TPX2: variants seen among roughly 807,000 people sequenced by gnomAD.
TPX2 encodes targeting protein for Xklp2.
In TPX2, 21 loss-of-function variants were observed where a neutral mutation model predicts 93.6. The ratio of observed to expected loss-of-function variants is 0.22; its 90% CI spans 0.16 to 0.32. The LOEUF is 0.32. Among genes scored for constraint, TPX2 ranks in the 10% least tolerant of loss-of-function variants. TPX2 has a pLI of 1.00. For synonymous variants in TPX2, 281 were observed against 298.3 expected, an observed-to-expected ratio of 0.94 and a Z score of 0.60; for missense variants, 776 against 871.1, an observed-to-expected ratio of 0.89 and a Z score of 1.37.
chr20:31,751,484 T>G (rs2061819309), intron 2 of TPX2, among the ~76,000 whole-genome samples: 1 of 152,122 alleles, frequency 6.6e-6, no homozygotes, highest in African/African-American at 2.4e-5. Flanking sequence ...ATGGAATCTT[T>G]CACTAAAAAT....
At chr20:31,750,202 G>T (rs528206538) in intron 2 of TPX2, among the ~76,000 whole-genome samples, 2 of 151,330 alleles carry the variant, frequency 1.3e-5, no homozygotes, top group East Asian at 2.0e-4. Context: ...TTGTTGCCCC[G>T]GCTGGAGTGC....
intron 2 of TPX2, among the ~76,000 whole-genome samples, chr20:31,744,159 CTTTTT>C (rs11465034): frequency 8.9e-6 from 1 of 112,270 alleles, no homozygotes; most frequent in Non-Finnish European, 1.8e-5. Context: ...ATTTTTTTAA[CTTTTT>C]TTTTTTTTTT....
intron 8 of TPX2, among the ~76,000 whole-genome samples, chr20:31,777,161 T>A (rs1357897286): frequency 6.6e-6 from 1 of 152,218 alleles, no homozygotes; most frequent in South Asian, 2.1e-4. Context: ...TCAAAGTCAA[T>A]CCATAGCTTT....
chr20:31,749,878 G>C (rs1172907045), intron 2 of TPX2, among the ~76,000 whole-genome samples: 1 of 151,906 alleles, frequency 6.6e-6, no homozygotes, highest in Non-Finnish European at 1.5e-5. Flanking sequence ...CAATGCCCCA[G>C]GAATCATTTT....
rs534228156 is a variant in TPX2, at chr20:31,799,003, A to C, written c.2133+451A>C. 2.0e-5 allele frequency among the ~76,000 whole-genome samples: 3 copies of C among 152,318 alleles called. No homozygotes were observed. The South Asian group carries it at 6.2e-4, about 32-fold the overall frequency. On this transcript the variant is annotated intron_variant, in intron 17 of 17. Coordinates refer to ENST00000300403, the MANE Select transcript of TPX2 (RefSeq NM_012112.5). ...GTAACTTATTATTTCCTCTGGGGTTAAGAAGCACCACTGAGTTTTGTAATT... is the reference window on the plus strand; with the variant it reads ...GTAACTTATTATTTCCTCTGGGGTTCAGAAGCACCACTGAGTTTTGTAATT...
intron 3 of TPX2, among the ~76,000 whole-genome samples, chr20:31,758,941 A>G (rs1409470476): frequency 6.6e-6 from 1 of 152,172 alleles, no homozygotes; most frequent in African/African-American, 2.4e-5. Context: ...TGTTAAATAC[A>G]ATTTGGAAGA....
At chr20:31,747,436 C>T (rs2061790719) in intron 2 of TPX2, among the ~76,000 whole-genome samples, 1 of 151,728 alleles carries the variant, frequency 6.6e-6, no homozygotes, top group East Asian at 1.9e-4. Flanking sequence ...ATATCTCTAT[C>T]TCTGTCTGTC....
At chr20:31,770,106 T>C (rs187577220) in intron 5 of TPX2, among the ~76,000 whole-genome samples, 543 of 152,316 alleles carry the variant, frequency 3.6e-3, no homozygotes, top group Middle Eastern at 0.024. Context: ...AGCCAAGTTT[T>C]TCTTTTTAAT....
Position 31,794,410 on chromosome 20 carries a change from G to A in TPX2, c.1695G>A (p.Lys565=), listed in dbSNP as rs1484596472. The stretch of plus-strand genomic sequence containing the variant: ...GTTTTCTTTTCTGTTAGGTGCCCAA[G>A]TTCAAGGCACTTCCCTTGCCTCATT... ...IKELQKGEVP[K]FKALPLPHFD... Residue 565 remains lysine (K), a synonymous_variant, in exon 15 of 18, where the codon AAG becomes AAA. Coordinates refer to ENST00000300403, the MANE Select transcript of TPX2 (RefSeq NM_012112.5). 2 of 1,613,932 alleles carry A rather than the reference G, an allele frequency of 1.2e-6. No homozygotes were observed. The highest frequency in any genetic ancestry group is 1.3e-5 in the African/African-American group (1 of 75,010).
At chr20:31,773,892 A>T (rs2061979801) in intron 7 of TPX2, among the ~76,000 whole-genome samples, 2 of 149,566 alleles carry the variant, frequency 1.3e-5, no homozygotes, top group East Asian at 2.0e-4. Flanking sequence ...TTTTATCGAG[A>T]TGGAGTTTCT....
At chr20:31,794,602 C>G in intron 15 of TPX2, 54 bp downstream of exon 15, 6 of 1,589,148 alleles carry the variant, frequency 3.8e-6, no homozygotes, top group Non-Finnish European at 5.1e-6. Context: ...GTTGATTGTA[C>G]AGGCAGACCC....
At chr20:31,778,672 C>G in intron 9 of TPX2, 141 bp from the exon 10 acceptor site, 1 of 725,112 alleles carries the variant, frequency 1.4e-6, no homozygotes, top group South Asian at 2.4e-5. Flanking sequence ...AACCCTTGCT[C>G]AAGGACTGAC....
chr20:31,779,430 G>A (rs1298475849), intron 10 of TPX2, among the ~76,000 whole-genome samples: 2 of 152,160 alleles, frequency 1.3e-5, no homozygotes, highest in African/African-American at 4.8e-5. Flanking sequence ...AATAGACTTG[G>A]TGCTACTCAA....
chr20:31,752,711 C>G (rs1347199267), intron 2 of TPX2, among the ~76,000 whole-genome samples: 1 of 152,040 alleles, frequency 6.6e-6, no homozygotes, highest in Non-Finnish European at 1.5e-5. Flanking sequence ...CTCCCGGGTT[C>G]ACACCATTCT....
intron 2 of TPX2, among the ~76,000 whole-genome samples, chr20:31,750,801 A>C (rs2061815089): frequency 6.6e-6 from 1 of 152,356 alleles, no homozygotes; most frequent in East Asian, 1.9e-4. Flanking sequence ...TTAGACAATC[A>C]TTGCTTGTCA....
At chr20:31,800,735 A>G (rs180713915) in intron 17 of TPX2, among the ~76,000 whole-genome samples, 118 of 152,326 alleles carry the variant, frequency 7.7e-4, no homozygotes, top group African/African-American at 2.7e-3. Context: ...ACTGTGGCCT[A>G]AAGGAAAGCT....
At chr20:31,799,472 C>T (rs2062156987) in intron 17 of TPX2, among the ~76,000 whole-genome samples, 1 of 152,134 alleles carries the variant, frequency 6.6e-6, no homozygotes, top group Non-Finnish European at 1.5e-5. Flanking sequence ...ATGTTATGTG[C>T]TCACACTACA....
intron 11 of TPX2, among the ~76,000 whole-genome samples, chr20:31,782,806 A>G (rs1405081853): frequency 6.6e-6 from 1 of 151,934 alleles, no homozygotes; most frequent in Non-Finnish European, 1.5e-5. Flanking sequence ...TGAACCCAGG[A>G]GGTCAATGCT....
intron 7 of TPX2, among the ~76,000 whole-genome samples, chr20:31,775,411 C>T (rs2061989769): frequency 6.6e-6 from 1 of 150,420 alleles, no homozygotes; most frequent in Admixed American, 6.7e-5. Context: ...GAGTCTCGCT[C>T]TGTGGCCAGG....
Sources: allele counts gnomAD v4.1 joint callset (sites outside exome capture counted in the v4.1 genomes callset), GRCh38; gene constraint gnomAD v4.1.1; transcripts MANE v1.5; gene names NCBI Gene and HGNC (gene_info 2026-07-23, HGNC 2026-07-21).